The following TF variants were observed in gnomAD, a reference collection of about 807,000 sequenced individuals.
TF encodes transferrin.
A neutral mutation model predicts 82.4 loss-of-function variants in TF; 55 were observed. The observed-to-expected ratio is 0.67, with a 90% CI of 0.54 to 0.84. The LOEUF is 0.84. Ranked by LOEUF, TF falls within the 40% of genes least tolerant of loss-of-function variation. The pLI is 0.00. For synonymous variants in TF, 332 were observed against 332.6 expected, an observed-to-expected ratio of 1.00 and a Z score of 0.02; for missense variants, 737 against 868.4, an observed-to-expected ratio of 0.85 and a Z score of 1.90.
At chr3:133,692,628 A>G in the TF span, 2 of 152,210 alleles carry the variant, frequency 1.3e-5, no homozygotes, top group Non-Finnish European at 2.9e-5. Context: ...CCTGTCAATT[A>G]AGGGCTTTTT....
the TF span, among the ~76,000 whole-genome samples, chr3:133,687,054 T>C: frequency 6.6e-6 from 1 of 152,180 alleles, no homozygotes; most frequent in African/African-American, 2.4e-5. Flanking sequence ...AGGGACATGG[T>C]TGAAGCTGGA....
Position 133,781,327 on chromosome 3 carries a change from A to AAAT in TF, c.*2722_*2724dup, listed in dbSNP as rs746979074. 8.6e-5 allele frequency: 13 copies of AAAT among 152,002 alleles called. No homozygotes were observed. Among genetic ancestry groups the AAAT allele is most frequent in the Non-Finnish European group, 1.6e-4 (11 of 67,998 alleles). The allele number at this position is 152,002 out of a possible 1,614,324, so 9.4% of individuals were successfully genotyped here. ...GCAAAACTCTGTCTCAAAATAATAA[A>AAAT]AATAATAATAATAATAAATAAAGTG... On this transcript the variant is annotated 3_prime_UTR_variant, in exon 17 of 17. Coordinates refer to ENST00000402696, the MANE Select transcript of TF (RefSeq NM_001063.4).
At chr3:133,701,051 G>C in the TF span, 2 of 152,604 alleles carry the variant, frequency 1.3e-5, no homozygotes, top group African/African-American at 4.8e-5. Flanking sequence ...GATCCAAAAA[G>C]AGGTATGTAA....
chr3:133,667,498 A>G, the TF span, among the ~76,000 whole-genome samples: 1 of 152,142 alleles, frequency 6.6e-6, no homozygotes, highest in Non-Finnish European at 1.5e-5. Flanking sequence ...TGTGGAAAAG[A>G]TCTAGTTAAA....
the TF span, among the ~76,000 whole-genome samples, chr3:133,693,543 C>A: frequency 6.6e-6 from 1 of 152,208 alleles, no homozygotes; most frequent in Non-Finnish European, 1.5e-5. Flanking sequence ...CTGAGAAGGG[C>A]TACAGCCTGG....
At chr3:133,698,226 T>C in the TF span, among the ~76,000 whole-genome samples, 3 of 152,238 alleles carry the variant, frequency 2.0e-5, no homozygotes, top group African/African-American at 7.2e-5. Flanking sequence ...ATCTGCACTT[T>C]CATTGCTTCT....
the TF span, among the ~76,000 whole-genome samples, chr3:133,688,749 A>G: frequency 6.6e-6 from 1 of 152,254 alleles, no homozygotes; most frequent in Non-Finnish European, 1.5e-5. Context: ...GCAATAAGAT[A>G]GAAAACGCAT....
the TF span, among the ~76,000 whole-genome samples, chr3:133,676,150 GA>G: frequency 6.6e-6 from 1 of 152,134 alleles, no homozygotes; most frequent in Admixed American, 6.5e-5. Flanking sequence ...AGATATAGGG[GA>G]AAAAACTATC....
At chr3:133,732,371 GA>G in the TF span, among the ~76,000 whole-genome samples, 1 of 152,064 alleles carries the variant, frequency 6.6e-6, no homozygotes, top group African/African-American at 2.4e-5. Context: ...TGTCAAAACG[GA>G]CCAATCAGCA....
At chr3:133,767,062 T>G (rs1416466726) in intron 12 of TF, among the ~76,000 whole-genome samples, 1 of 152,136 alleles carries the variant, frequency 6.6e-6, no homozygotes, top group Non-Finnish European at 1.5e-5. Flanking sequence ...AGATATTGGG[T>G]AGACAGGTAG....
chr3:133,726,053 G>T, the TF span, among the ~76,000 whole-genome samples: 1 of 152,152 alleles, frequency 6.6e-6, no homozygotes, highest in Non-Finnish European at 1.5e-5. Flanking sequence ...GCTGGATTCG[G>T]TTTGCCAGTA....
At chr3:133,764,629 C>T (rs1934079709) in intron 10 of TF, among the ~76,000 whole-genome samples, 1 of 152,166 alleles carries the variant, frequency 6.6e-6, no homozygotes, top group Non-Finnish European at 1.5e-5. Context: ...GGCTAGCACG[C>T]CTCTGTGGTC....
the TF span, among the ~76,000 whole-genome samples, chr3:133,679,330 A>G: frequency 6.6e-6 from 1 of 152,140 alleles, no homozygotes; most frequent in Non-Finnish European, 1.5e-5. Context: ...CCTTTAAGTC[A>G]TTTTTATTGA....
rs1195541689 is a variant in TF at position 133,746,399 on chromosome 3, G to C, written c.-42G>C. On this transcript the variant is annotated 5_prime_UTR_variant, in exon 1 of 17. Coordinates refer to ENST00000402696, the MANE Select transcript of TF (RefSeq NM_001063.4). ...GCGGGGCGCCGGAGGCTGCACAGAAGCGAGTCCGACTGTGCTCGCTGCTCA... is the reference window on the plus strand; with the variant it reads ...GCGGGGCGCCGGAGGCTGCACAGAACCGAGTCCGACTGTGCTCGCTGCTCA... 1 of 1,579,660 alleles carries C rather than the reference G, an allele frequency of 6.3e-7. No individual in the cohort carries two copies. Among genetic ancestry groups the C allele is most frequent in the African/African-American group, 1.3e-5 (1 of 74,166 alleles).
intron 9 of TF, among the ~76,000 whole-genome samples, chr3:133,763,144 CA>C (rs1934037975): frequency 1.3e-5 from 2 of 152,126 alleles, no homozygotes; most frequent in African/African-American, 2.4e-5. Context: ...AGTTTCTAAA[CA>C]TGACCTATAT....
chr3:133,767,607 T>C (rs1356740927), intron 12 of TF, among the ~76,000 whole-genome samples: 2 of 152,158 alleles, frequency 1.3e-5, no homozygotes, highest in Admixed American at 6.5e-5. Flanking sequence ...CAAAGAAAAT[T>C]CCCCATCCCT....
intron 1 of TF, chr3:133,747,021 TC>T (rs1455988870): frequency 1.2e-5 from 2 of 165,198 alleles, no homozygotes; most frequent in African/African-American, 4.8e-5. Flanking sequence ...CAAATGAGGG[TC>T]AGCGAGGTGG....
the TF span, among the ~76,000 whole-genome samples, chr3:133,729,914 T>G: frequency 6.6e-6 from 1 of 152,216 alleles, no homozygotes; most frequent in African/African-American, 2.4e-5. Flanking sequence ...TTCTCTTGTA[T>G]CCCACTGATC....
At chr3:133,687,297 A>G in the TF span, among the ~76,000 whole-genome samples, 4 of 152,220 alleles carry the variant, frequency 2.6e-5, no homozygotes, top group Non-Finnish European at 5.9e-5. Flanking sequence ...ATACATATGT[A>G]ACAAACCTGC....
Sources: allele counts gnomAD v4.1 joint callset (sites outside exome capture counted in the v4.1 genomes callset), GRCh38; gene constraint gnomAD v4.1.1; transcripts MANE v1.5; gene names NCBI Gene and HGNC (gene_info 2026-07-23, HGNC 2026-07-21).